SLCO5A1: variants seen among roughly 807,000 people sequenced by gnomAD.
SLCO5A1 encodes solute carrier organic anion transporter family member 5A1, also known as organic anion transporter polypeptide-related protein 4.
Under a neutral mutation model 65.1 loss-of-function variants are expected in SLCO5A1, and 39 were observed. The ratio of observed to expected loss-of-function variants is 0.60; its 90% CI spans 0.46 to 0.78. The LOEUF is 0.78. Ranked by LOEUF, SLCO5A1 falls within the 30% of genes least tolerant of loss-of-function variation. SLCO5A1 has a pLI of 0.00. For synonymous variants in SLCO5A1, 438 were observed against 415.7 expected, an observed-to-expected ratio of 1.05 and a Z score of -0.65; for missense variants, 1,029 against 1,069.4, an observed-to-expected ratio of 0.96 and a Z score of 0.53.
intron 3 of SLCO5A1, 138 bp from the exon 4 acceptor site, chr8:69,755,779 G>A (rs915390405): frequency 1.2e-5 from 8 of 669,536 alleles, no homozygotes; most frequent in South Asian, 8.1e-5. Context: ...AGGAAGTTGA[G>A]CAAACTAAGA....
At chr8:69,713,767 T>C (rs1815386405) in intron 5 of SLCO5A1, 1 of 152,194 alleles carries the variant, frequency 6.6e-6, no homozygotes, top group Non-Finnish European at 1.5e-5. Context: ...TCTCTCCACA[T>C]CACAGAGGAA....
rs1311060868 is a variant in SLCO5A1, at chr8:69,667,103, G to A, written c.*5766C>T. The A allele has an allele frequency of 2.0e-5, 3 of 152,084 alleles. No individual in the cohort carries two copies. The highest frequency in any genetic ancestry group is 6.6e-5 in the Admixed American group (1 of 15,262). The allele number at this position is 152,084 out of a possible 1,614,324, so 9.4% of individuals were successfully genotyped here. A position where few individuals can be genotyped will look rare whatever the true frequency, so the allele number is the denominator to read the frequency against. ...TTTTTTCTTAATTTTCAATAATCAAGTATTCAAGATGCTGTAAACCAAGAT... is the reference window on the plus strand; with the variant it reads ...TTTTTTCTTAATTTTCAATAATCAAATATTCAAGATGCTGTAAACCAAGAT... On this transcript the variant is annotated 3_prime_UTR_variant, in exon 10 of 10. Transcript: ENST00000260126.
At chr8:69,784,819 G>GAAAGAA (rs1818946572) in intron 2 of SLCO5A1, among the ~76,000 whole-genome samples, 1 of 86,246 alleles carries the variant, frequency 1.2e-5, no homozygotes, top group Non-Finnish European at 2.6e-5. Context: ...GAAAAAGAAA[G>GAAAGAA]AAAGAAAGAA....
intron 8 of SLCO5A1, among the ~76,000 whole-genome samples, chr8:69,677,028 TTTTTTGTTTTTG>T (rs746744066): frequency 2.0e-5 from 3 of 148,884 alleles, no homozygotes; most frequent in South Asian, 4.2e-4. Context: ...ACTGCACGGT[TTTTTTGTTTTTG>T]TTTTTGTTTT....
intron 5 of SLCO5A1, among the ~76,000 whole-genome samples, chr8:69,711,381 C>A (rs1049592937): frequency 1.4e-4 from 22 of 152,168 alleles, no homozygotes; most frequent in African/African-American, 5.3e-4. Flanking sequence ...CTCGGAGGGA[C>A]CCCCGAGTTC....
chr8:69,694,507 T>C (rs552844404), intron 6 of SLCO5A1, among the ~76,000 whole-genome samples: 36 of 152,136 alleles, frequency 2.4e-4, no homozygotes, highest in Non-Finnish European at 5.0e-4. Flanking sequence ...AGAAACAGTT[T>C]TTACTAGGCA....
chr8:69,692,378 G>T (rs996413157), intron 6 of SLCO5A1, among the ~76,000 whole-genome samples: 1 of 152,218 alleles, frequency 6.6e-6, no homozygotes, highest in South Asian at 2.1e-4. Flanking sequence ...TGAATGTGAA[G>T]GCCTAGGACA....
chr8:69,828,276 TAAA>T (rs57458834), intron 2 of SLCO5A1, among the ~76,000 whole-genome samples: 1 of 131,706 alleles, frequency 7.6e-6, no homozygotes, highest in Admixed American at 7.1e-5. Context: ...TTTTTTTTTT[TAAA>T]AAAAAAGCAA....
chr8:69,798,603 C>A (rs564978892), intron 2 of SLCO5A1, among the ~76,000 whole-genome samples: 1 of 152,304 alleles, frequency 6.6e-6, no homozygotes, highest in Admixed American at 6.5e-5. Flanking sequence ...TTAAACCATT[C>A]ATGAGTGACC....
At chr8:69,723,854 C>T (rs1362666928) in intron 5 of SLCO5A1, among the ~76,000 whole-genome samples, 1 of 150,000 alleles carries the variant, frequency 6.7e-6, no homozygotes, top group Non-Finnish European at 1.5e-5. Flanking sequence ...CTCACTGCAA[C>T]CTCCGCCTCC....
intron 2 of SLCO5A1, among the ~76,000 whole-genome samples, chr8:69,815,647 A>AACACACACAC (rs55665513): frequency 0.029 from 4,050 of 141,218 alleles, 54 homozygotes; most frequent in South Asian, 0.041. Context: ...GTAAAATATC[A>AACACACACAC]ACACACACAC....
chr8:69,694,381 G>T (rs952295778), intron 6 of SLCO5A1, among the ~76,000 whole-genome samples: 17 of 152,248 alleles, frequency 1.1e-4, no homozygotes, highest in African/African-American at 4.1e-4. Context: ...CAATCACACT[G>T]AACCAAACAT....
intron 2 of SLCO5A1, among the ~76,000 whole-genome samples, chr8:69,771,994 G>A (rs931915493): frequency 5.3e-5 from 8 of 152,138 alleles, no homozygotes; most frequent in Admixed American, 5.2e-4. Flanking sequence ...TCTAGAGATG[G>A]GGAGAAATTG....
rs768109137 is a variant in SLCO5A1 at position 69,669,603 on chromosome 8, T to TC, written c.*3265dup. On this transcript the variant is annotated 3_prime_UTR_variant, in exon 10 of 10. Coordinates refer to ENST00000260126, the MANE Select transcript of SLCO5A1 (RefSeq NM_030958.3). ...GCCAAGGCAGGTGGATCACTTGAGG[T>TC]CAGGAGTTCAAGACCAGCCTGGCCA... 1 of 151,984 alleles carries TC rather than the reference T, an allele frequency of 6.6e-6. No individual in the cohort carries two copies. The highest frequency in any genetic ancestry group is 1.5e-5 in the Non-Finnish European group (1 of 67,994). The allele number at this position is 151,984 out of a possible 1,614,324, so 9.4% of individuals were successfully genotyped here.
chr8:69,747,328 G>C (rs1817079160), intron 4 of SLCO5A1, among the ~76,000 whole-genome samples: 1 of 151,882 alleles, frequency 6.6e-6, no homozygotes, highest in African/African-American at 2.4e-5. Flanking sequence ...TCTTTTATGA[G>C]TACTTAAAGT....
intron 5 of SLCO5A1, among the ~76,000 whole-genome samples, chr8:69,723,405 C>T (rs1277615574): frequency 6.6e-6 from 1 of 151,996 alleles, no homozygotes; most frequent in Non-Finnish European, 1.5e-5. Flanking sequence ...GCACAAGCCA[C>T]CATGCCCACC....
At chr8:69,804,472 C>T (rs1324791422) in intron 2 of SLCO5A1, among the ~76,000 whole-genome samples, 2 of 152,058 alleles carry the variant, frequency 1.3e-5, no homozygotes, top group Admixed American at 6.5e-5. Flanking sequence ...GGCCACCACA[C>T]CCCTGACTAA....
At chr8:69,722,770 A>T (rs1036049402) in intron 5 of SLCO5A1, among the ~76,000 whole-genome samples, 5 of 126,390 alleles carry the variant, frequency 4.0e-5, no homozygotes, top group Non-Finnish European at 6.7e-5. Context: ...TTGTTAACAC[A>T]TGCATGGTGT....
intron 6 of SLCO5A1, among the ~76,000 whole-genome samples, chr8:69,685,585 C>T (rs1813968497): frequency 6.6e-6 from 1 of 152,136 alleles, no homozygotes; most frequent in Non-Finnish European, 1.5e-5. Flanking sequence ...ATAGCAATAC[C>T]TTATAACTGG....
Sources: gnomAD v4.1 joint callset for allele counts (sites outside exome capture counted in the v4.1 genomes callset) on GRCh38, gnomAD v4.1.1 for gene constraint, MANE v1.5 for transcripts, NCBI Gene and HGNC (gene_info 2026-07-23, HGNC 2026-07-21) for gene names.